The following ASAH1 variants were observed in gnomAD, a reference collection of about 807,000 sequenced individuals.
The protein encoded by ASAH1 is N-acylsphingosine amidohydrolase 1.
In ASAH1, 70 loss-of-function variants were observed where a neutral mutation model predicts 59.5. That is an observed-to-expected ratio of 1.18 (90% CI 0.97 to 1.43). ASAH1 has a LOEUF of 1.43. ASAH1 is among the 40% of genes most tolerant of loss of function. The pLI is 0.00. For missense variants in ASAH1, 660 were observed against 482.5 expected, an observed-to-expected ratio of 1.37 and a Z score of -3.45; for synonymous variants, 213 against 166.5, an observed-to-expected ratio of 1.28 and a Z score of -2.15.
chr8:18,084,903 C>G (rs1391203451), upstream of ASAH1: 3 of 1,517,838 alleles, frequency 2.0e-6, no homozygotes, highest in Non-Finnish European at 1.8e-6. Context: ...GGGGGACTCG[C>G]TTGGCTTTCG....
At chr8:18,079,705 A>T (rs1414598126) in intron 1 of ASAH1, among the ~76,000 whole-genome samples, 4 of 152,222 alleles carry the variant, frequency 2.6e-5, no homozygotes, top group African/African-American at 9.7e-5. Context: ...TACCCACCAG[A>T]AGCCAAACAA....
chr8:18,069,280 C>T (rs1051430026), intron 4 of ASAH1, among the ~76,000 whole-genome samples: 7 of 151,604 alleles, frequency 4.6e-5, no homozygotes, highest in African/African-American at 1.7e-4. Context: ...TCAACAAAAA[C>T]GGGGCTGAGA....
At chr8:18,074,473 G>C (rs1800306164) in intron 2 of ASAH1, among the ~76,000 whole-genome samples, 2 of 152,326 alleles carry the variant, frequency 1.3e-5, no homozygotes, top group African/African-American at 2.4e-5. Context: ...TACAACGTAA[G>C]TAATTTGGAA....
chr8:18,084,149 T>G (rs1201311385), upstream of ASAH1: 9 of 1,567,014 alleles, frequency 5.7e-6, no homozygotes, highest in African/African-American at 1.3e-5. Context: ...CTCCGCCGCG[T>G]GACCCGCGAC....
chr8:18,079,723 C>A (rs7825215), intron 1 of ASAH1, among the ~76,000 whole-genome samples: 73,627 of 152,052 alleles, frequency 0.48, 18,297 homozygotes, highest in Non-Finnish European at 0.54. Context: ...CAACTCTAGC[C>A]AGACAATTTT....
chr8:18,062,117 T>A, intron 8 of ASAH1, 162 bp downstream of exon 8: 1 of 941,170 alleles, frequency 1.1e-6, no homozygotes, highest in Non-Finnish European at 1.6e-6. Context: ...TCTACTCTTC[T>A]CTACCACGAG....
In ASAH1 at chr8:18,078,194, G is replaced by A. The variant is rs148898654; in HGVS notation, c.79-2607C>T. ...CTATCCCTTCCTAATAATGACATTTGCACGCCCTGGGTTCCAAAGCCAAAA... is the reference window on the plus strand; with the variant it reads ...CTATCCCTTCCTAATAATGACATTTACACGCCCTGGGTTCCAAAGCCAAAA... On this transcript the variant is annotated intron_variant, in intron 1 of 13. Transcript: ENST00000637790. 2.9e-3 allele frequency among the ~76,000 whole-genome samples: 442 copies of A among 152,310 alleles called. 1 individual carries two copies. Among genetic ancestry groups the A allele is most frequent in the African/African-American group, 0.01 (430 of 41,568 alleles).
chr8:18,056,526 T>G lies in ASAH1; in HGVS notation c.*1008A>C, dbSNP rs1313254844. On this transcript the variant is annotated 3_prime_UTR_variant, in exon 14 of 14. Transcript: ENST00000637790. ...ACAAAATGAAGTGGACAAACGGTCT[T>G]GCACAAATGACGTACATTTCACAGT... The G allele has an allele frequency of 6.6e-6, 1 of 152,222 alleles. No individual in the cohort carries two copies. Among genetic ancestry groups the G allele is most frequent in the Non-Finnish European group, 1.5e-5 (1 of 68,034 alleles). The allele number at this position is 152,222 out of a possible 1,614,324, so 9.4% of individuals were successfully genotyped here.
At position 18,056,833 on chromosome 8, in the gene ASAH1, G is replaced by T. The variant is rs548854561; in HGVS notation, c.*701C>A. 2.0e-4 allele frequency: 30 copies of T among 151,924 alleles called. No homozygotes were observed. The highest frequency in any genetic ancestry group is 7.0e-4 in the African/African-American group (29 of 41,378). 9.4% of individuals were successfully genotyped at this position (151,924 alleles called of 1,614,324 possible). ...TTTTTAAGTTAGCAACTTCCTTAGG[G>T]TTACTGGGAAGTAGAGTAATTATGA... On this transcript the variant is annotated 3_prime_UTR_variant, in exon 14 of 14. Coordinates refer to ENST00000637790, the MANE Select transcript of ASAH1 (RefSeq NM_177924.5).
rs890871521 is a variant in ASAH1 at position 18,061,211 on chromosome 8, C to G, written c.785+166G>C. 1.0e-5 allele frequency: 6 copies of G among 595,266 alleles called. No individual in the cohort carries two copies. In the African/African-American group the frequency reaches 1.1e-4, roughly 11 times the overall value. 36.9% of individuals were successfully genotyped at this position (595,266 alleles called of 1,614,324 possible). A position where few individuals can be genotyped will look rare whatever the true frequency, so the allele number is the denominator to read the frequency against. On this transcript the variant is annotated intron_variant, in intron 10 of 13. Transcript: ENST00000637790. ...ATTTATTTGCTATAAAACACACAGT[C>G]TGCACGAAGAAAACATGAGTAATTC...
intron 1 of ASAH1, among the ~76,000 whole-genome samples, chr8:18,082,270 G>C (rs1207342756): frequency 1.3e-5 from 2 of 152,032 alleles, no homozygotes; most frequent in Non-Finnish European, 2.9e-5. Flanking sequence ...AAATACTTTT[G>C]CTAGAATAAA....
At position 18,064,784 on chromosome 8, in the gene ASAH1, T is replaced by C. The variant is rs907192020; in HGVS notation, c.383-253A>G. ...GGCAGGTTGCAATTGTTCTCCAACA[T>C]CACATCCAAAATGTTTATCAACATG... On this transcript the variant is annotated intron_variant, in intron 5 of 13. Coordinates refer to ENST00000637790, the MANE Select transcript of ASAH1 (RefSeq NM_177924.5). 2.3e-5 allele frequency: 10 copies of C among 434,908 alleles called. No individual in the cohort carries two copies. The Admixed American group carries it at 3.6e-4, about 16-fold the overall frequency. The allele number at this position is 434,908 out of a possible 1,614,324, so 26.9% of individuals were successfully genotyped here.
chr8:18,078,011 CAG>C (rs1800482062), intron 1 of ASAH1, among the ~76,000 whole-genome samples: 1 of 152,134 alleles, frequency 6.6e-6, no homozygotes, highest in Non-Finnish European at 1.5e-5. Context: ...GTGACAGAAT[CAG>C]AGTCAATGGC....
At chr8:18,059,006 C>CCCCGCAGT (rs1799579711) in intron 12 of ASAH1, 115 bp from the exon 13 acceptor site, 2 of 939,564 alleles carry the variant, frequency 2.1e-6, no homozygotes, top group African/African-American at 3.3e-5. Context: ...TCCCCTCCAT[C>CCCCGCAGT]CCCGCAGTGG....
In ASAH1 at chr8:18,083,974, C is replaced by G; in HGVS notation, c.78+7G>C. On this transcript the variant is annotated splice_region_variant and intron_variant, in intron 1 of 13. Transcript: ENST00000637790. Reference sequence around the variant, plus strand: ...CCCTCTCTGCGCCTCGGCTCAAGCTCACTCACCGGCGGCGCGTGCTGCGCG... The same window carrying G: ...CCCTCTCTGCGCCTCGGCTCAAGCTGACTCACCGGCGGCGCGTGCTGCGCG... 1 of 1,597,624 alleles carries G rather than the reference C, an allele frequency of 6.3e-7. No individual in the cohort carries two copies. The highest frequency in any genetic ancestry group is 1.1e-5 in the South Asian group (1 of 90,910).
chr8:18,067,114 ATATCTAAGACATACAGCAC>A, intron 5 of ASAH1, 87 bp downstream of exon 5: 1 of 514,512 alleles, frequency 1.9e-6, no homozygotes, highest in Non-Finnish European at 2.7e-6. Flanking sequence ...CCTGTGCTGT[ATATCTAAGACATACAGCAC>A]CTGTGCTGTA....
Position 18,061,683 on chromosome 8 carries a change from T to A in ASAH1, c.703+3A>T. ...CCATTTCACTTGAGAATGCTCTACT[T>A]ACCCAGATAACCACCATTTATACTG... On this transcript the variant is annotated splice_donor_region_variant and intron_variant, in intron 9 of 13. Coordinates refer to ENST00000637790, the MANE Select transcript of ASAH1 (RefSeq NM_177924.5). The A allele has an allele frequency of 6.3e-7, 1 of 1,585,152 alleles. No homozygotes were observed. The highest frequency in any genetic ancestry group is 8.6e-7 in the Non-Finnish European group (1 of 1,163,602).
At chr8:18,066,152 G>A (rs1799920048) in intron 5 of ASAH1, 1 of 151,922 alleles carries the variant, frequency 6.6e-6, no homozygotes, top group Non-Finnish European at 1.5e-5. Flanking sequence ...TGACTTTGGG[G>A]TAGGCCAAGA....
At chr8:18,080,919 G>T (rs1370580507) in intron 1 of ASAH1, among the ~76,000 whole-genome samples, 3 of 152,070 alleles carry the variant, frequency 2.0e-5, no homozygotes, top group Non-Finnish European at 4.4e-5. Context: ...AAGTTACTTA[G>T]CCTTTGCCTA....
Sources: allele counts gnomAD v4.1 joint callset (sites outside exome capture counted in the v4.1 genomes callset), GRCh38; gene constraint gnomAD v4.1.1; transcripts MANE v1.5; gene names NCBI Gene and HGNC (gene_info 2026-07-23, HGNC 2026-07-21).